CLDN18: variants seen among roughly 807,000 people sequenced by gnomAD.
CLDN18 encodes the protein claudin-18.
A neutral mutation model predicts 25.0 loss-of-function variants in CLDN18; 20 were observed. That is an observed-to-expected ratio of 0.80 (90% CI 0.56 to 1.16). CLDN18 has a LOEUF of 1.16. Among genes scored for constraint, CLDN18 ranks in the 50% most tolerant of loss-of-function variants. The pLI is 0.00. For missense variants in CLDN18, 297 were observed against 345.4 expected (o/e 0.86, Z 1.11); for synonymous variants, 125 against 135.6 (o/e 0.92, Z 0.54).
At chr3:138,004,654 A>G (rs1942049511) in intron 1 of CLDN18, 1 of 152,066 alleles carries the variant, frequency 6.6e-6, no homozygotes, top group African/African-American at 2.4e-5. Flanking sequence ...AGCAATGAAG[A>G]AAAAGGAAGT....
chr3:138,030,014 T>C (rs932625643), intron 4 of CLDN18, 107 bp downstream of exon 4: 15 of 700,710 alleles, frequency 2.1e-5, no homozygotes, highest in Admixed American at 7.3e-5. Flanking sequence ...ATGGATGAAC[T>C]TTATTTGACT....
intron 1 of CLDN18, among the ~76,000 whole-genome samples, chr3:138,022,276 C>A (rs1317065158): frequency 6.6e-6 from 1 of 152,138 alleles, no homozygotes; most frequent in Non-Finnish European, 1.5e-5. Flanking sequence ...GATTAATTTG[C>A]CATGGTCAAG....
intron 1 of CLDN18, among the ~76,000 whole-genome samples, chr3:138,022,676 G>A (rs1332599174): frequency 6.6e-6 from 1 of 152,196 alleles, no homozygotes; most frequent in African/African-American, 2.4e-5. Context: ...AGCTCCACCA[G>A]ACCAACCACA....
intron 1 of CLDN18, chr3:137,999,150 CTCTG>C (rs1438308541): frequency 1.4e-6 from 2 of 1,452,914 alleles, no homozygotes; most frequent in Non-Finnish European, 9.6e-7. Flanking sequence ...AAACTGCAGG[CTCTG>C]TCTGGGCACC....
intron 1 of CLDN18, among the ~76,000 whole-genome samples, chr3:138,022,279 T>C (rs1379904846): frequency 6.6e-6 from 1 of 152,120 alleles, no homozygotes; most frequent in Non-Finnish European, 1.5e-5. Context: ...TAATTTGCCA[T>C]GGTCAAGGGC....
At chr3:137,999,356 T>C (rs968997644) in intron 1 of CLDN18, among the ~76,000 whole-genome samples, 3 of 152,170 alleles carry the variant, frequency 2.0e-5, no homozygotes, top group African/African-American at 2.4e-5. Flanking sequence ...ATAACTCCTA[T>C]GTGAGCAATG....
chr3:138,011,887 T>TCAAC (rs1942140216), intron 1 of CLDN18, among the ~76,000 whole-genome samples: 1 of 152,114 alleles, frequency 6.6e-6, no homozygotes, highest in South Asian at 2.1e-4. Flanking sequence ...TCCTATTCTG[T>TCAAC]CAACGGATCT....
intron 1 of CLDN18, among the ~76,000 whole-genome samples, chr3:138,018,265 GC>G (rs1377518841): frequency 6.6e-6 from 1 of 151,936 alleles, no homozygotes; most frequent in Non-Finnish European, 1.5e-5. Flanking sequence ...CAAAGATAGT[GC>G]CTTTTGTTGT....
chr3:138,002,156 C>G (rs1942025698), intron 1 of CLDN18, among the ~76,000 whole-genome samples: 1 of 152,208 alleles, frequency 6.6e-6, no homozygotes, highest in African/African-American at 2.4e-5. Context: ...CTCAGCGAAG[C>G]ATTCTCTGAT....
chr3:138,006,198 A>G (rs562678109), upstream of CLDN18, among the ~76,000 whole-genome samples: 5 of 152,326 alleles, frequency 3.3e-5, no homozygotes, highest in South Asian at 1.0e-3. Context: ...TTAGGGATAT[A>G]TGTGGTAATA....
At chr3:138,008,123 G>C (rs927007019), upstream of CLDN18, among the ~76,000 whole-genome samples, 18 of 151,344 alleles carry the variant, frequency 1.2e-4, no homozygotes, top group African/African-American at 4.4e-4. Flanking sequence ...GCAGAGGCTG[G>C]GTGCACCCAA....
intron 3 of CLDN18, among the ~76,000 whole-genome samples, chr3:138,027,735 G>A (rs1942342324): frequency 6.6e-6 from 1 of 152,156 alleles, no homozygotes; most frequent in South Asian, 2.1e-4. Flanking sequence ...CCATCCATAG[G>A]GGTATCAAGG....
chr3:138,001,659 A>G (rs968653313), intron 1 of CLDN18, among the ~76,000 whole-genome samples: 5 of 152,126 alleles, frequency 3.3e-5, no homozygotes, highest in Non-Finnish European at 5.9e-5. Context: ...GTGTGTGCGC[A>G]TGTGTGTGTG....
At chr3:138,028,943 T>C (rs1942357343) in intron 3 of CLDN18, among the ~76,000 whole-genome samples, 1 of 152,220 alleles carries the variant, frequency 6.6e-6, no homozygotes, top group African/African-American at 2.4e-5. Flanking sequence ...GCTCTGCACA[T>C]AGTAGGAGCT....
At chr3:138,026,527 C>A (rs952322541) in intron 3 of CLDN18, among the ~76,000 whole-genome samples, 55 of 152,216 alleles carry the variant, frequency 3.6e-4, no homozygotes, top group African/African-American at 1.3e-3. Context: ...CGCCTGTAGT[C>A]CCAGCTACTT....
At chr3:138,028,087 C>T (rs1260295487) in intron 3 of CLDN18, among the ~76,000 whole-genome samples, 2 of 148,738 alleles carry the variant, frequency 1.3e-5, no homozygotes, top group Non-Finnish European at 1.5e-5. Flanking sequence ...TTTCTTGAGA[C>T]GAAGTCTCAC....
chr3:138,020,847 A>G (rs1198587430), intron 1 of CLDN18, among the ~76,000 whole-genome samples: 2 of 152,344 alleles, frequency 1.3e-5, no homozygotes, highest in African/African-American at 4.8e-5. Flanking sequence ...GTAAGAGTAT[A>G]CAGATCCTTG....
rs537479422 is a variant in CLDN18 at position 138,004,828 on chromosome 3, A to C, written c.220+5740A>C. 219 of 151,752 alleles carry C rather than the reference A, an allele frequency of 1.4e-3. 1 individual carries two copies. Among genetic ancestry groups the C allele is most frequent in the African/African-American group, 5.2e-3 (215 of 41,536 alleles). The allele number at this position is 151,752 out of a possible 1,614,324, so 9.4% of individuals were successfully genotyped here. ...AAAATTATAAAATAATTCTAGAATAACTATCTCCTAAATGGAAATTATTCT... is the reference window on the plus strand; with the variant it reads ...AAAATTATAAAATAATTCTAGAATACCTATCTCCTAAATGGAAATTATTCT... On this transcript the variant is annotated intron_variant, in intron 1 of 4. Transcript: ENST00000343735.
rs760019263 is a variant in CLDN18 at position 138,010,464 on chromosome 3, G to T, written c.220+19G>T. 6 of 1,612,944 alleles carry T rather than the reference G, an allele frequency of 3.7e-6. No homozygotes were observed. The South Asian group carries it at 6.6e-5, about 18-fold the overall frequency. ...CTTCCAGGTAGGCACCGTGCACCCC[G>T]GGGTAGAGCCAGGTGAACCAGGTGA... On this transcript the variant is annotated intron_variant, in intron 1 of 4. Transcript: ENST00000183605.
Sources: allele counts gnomAD v4.1 joint callset (sites outside exome capture counted in the v4.1 genomes callset), GRCh38; gene constraint gnomAD v4.1.1; transcripts MANE v1.5; gene names NCBI Gene and HGNC (gene_info 2026-07-23, HGNC 2026-07-21).